GRM8: variants seen among roughly 807,000 people sequenced by gnomAD.
GRM8 encodes glutamate metabotropic receptor 8, also known as metabotropic glutamate receptor 8.
GRM8 carries 47 observed loss-of-function variants against 87.2 expected under a neutral mutation model. The observed-to-expected ratio is 0.54, with a 90% CI of 0.43 to 0.69. The LOEUF (loss-of-function observed/expected upper bound fraction) is 0.69, where lower values mean the gene tolerates loss of function less well. Ranked by LOEUF, GRM8 falls within the 30% of genes least tolerant of loss-of-function variation. The pLI is 0.00. For synonymous variants in GRM8, 396 were observed against 404.5 expected, an observed-to-expected ratio of 0.98 and a Z score of 0.25; for missense variants, 1,019 against 1,139.2, an observed-to-expected ratio of 0.89 and a Z score of 1.52.
intron 7 of GRM8, among the ~76,000 whole-genome samples, chr7:126,620,531 T>C (rs1800026201): frequency 6.6e-6 from 1 of 151,938 alleles, no homozygotes; most frequent in Non-Finnish European, 1.5e-5. Flanking sequence ...AAATGTTGGC[T>C]CTTTTGAATA....
chr7:126,588,324 T>A (rs529723758), intron 8 of GRM8, among the ~76,000 whole-genome samples: 13 of 152,294 alleles, frequency 8.5e-5, no homozygotes, highest in African/African-American at 2.9e-4. Context: ...GTGTTTTGAT[T>A]TGCCTTTCTC....
intron 9 of GRM8, among the ~76,000 whole-genome samples, chr7:126,457,212 AT>A (rs1803359469): frequency 6.6e-6 from 1 of 151,552 alleles, no homozygotes. Context: ...AGTAAAAAAA[AT>A]ATCCACGGTG....
chr7:127,143,831 C>T (rs1223825951), intron 2 of GRM8, among the ~76,000 whole-genome samples: 2 of 152,132 alleles, frequency 1.3e-5, no homozygotes, highest in Admixed American at 1.3e-4. Context: ...GTCATTAAAA[C>T]ACTATAAACC....
chr7:126,618,554 A>G (rs940796832), intron 7 of GRM8, among the ~76,000 whole-genome samples: 4 of 152,216 alleles, frequency 2.6e-5, no homozygotes, highest in South Asian at 2.1e-4. Flanking sequence ...AGGAGCTTCT[A>G]CACAGCGAAA....
chr7:127,034,032 C>T (rs1005949676), intron 3 of GRM8, among the ~76,000 whole-genome samples: 4 of 152,168 alleles, frequency 2.6e-5, no homozygotes, highest in African/African-American at 9.6e-5. Context: ...GGAATGCCTC[C>T]ATCCACTGTT....
At chr7:127,210,735 C>T (rs1246645521) in intron 2 of GRM8, among the ~76,000 whole-genome samples, 1 of 152,234 alleles carries the variant, frequency 6.6e-6, no homozygotes, top group Non-Finnish European at 1.5e-5. Context: ...AGCCCCAAGA[C>T]ACCAGGGGAA....
At chr7:126,556,780 A>G (rs1438931948) in intron 8 of GRM8, among the ~76,000 whole-genome samples, 1 of 152,246 alleles carries the variant, frequency 6.6e-6, no homozygotes, top group Admixed American at 6.5e-5. Flanking sequence ...AAAAGACTCC[A>G]AATGTATGTA....
At chr7:127,049,592 A>G (rs1436492144) in intron 3 of GRM8, among the ~76,000 whole-genome samples, 2 of 152,188 alleles carry the variant, frequency 1.3e-5, no homozygotes, top group Admixed American at 1.3e-4. Flanking sequence ...CTAAGAATAA[A>G]TGGGCAAGGA....
In GRM8 at chr7:126,903,980, G is replaced by A. The variant is rs1264096693; in HGVS notation, c.1010C>T (p.Ser337Leu). The change falls in exon 5 of 11, where the codon TCA becomes TTA. Residue 337 changes from serine to leucine, a missense_variant. Transcript: ENST00000339582. ...GAVTILPKRA[S>L]IDGFDRYFRS... ...CTATGGTGCATTCTTACCATCAATT[G>A]ATGCTCGTTTGGGCAAAATTGTCAC... 2 of 1,491,156 alleles carry A rather than the reference G, an allele frequency of 1.3e-6. No individual in the cohort carries two copies. The highest frequency in any genetic ancestry group is 3.4e-5 in the Admixed American group (2 of 58,760). The allele number at this position is 1,491,156 out of a possible 1,614,324, so 92.4% of individuals were successfully genotyped here.
At chr7:126,614,639 A>G (rs12535890) in intron 7 of GRM8, among the ~76,000 whole-genome samples, 83,286 of 151,946 alleles carry the variant, frequency 0.55, 23,077 homozygotes, top group South Asian at 0.65. Flanking sequence ...AAGATTAGAC[A>G]AATGGCTAAC....
At chr7:127,014,132 G>A (rs1815165604) in intron 3 of GRM8, among the ~76,000 whole-genome samples, 1 of 152,140 alleles carries the variant, frequency 6.6e-6, no homozygotes, top group South Asian at 2.1e-4. Flanking sequence ...TAATGACAAG[G>A]TCAAAGATGG....
chr7:126,475,767 C>T (rs1365862789), intron 9 of GRM8, among the ~76,000 whole-genome samples: 1 of 152,048 alleles, frequency 6.6e-6, no homozygotes, highest in East Asian at 1.9e-4. Flanking sequence ...TAAAAACAGA[C>T]TTATAGACCA....
chr7:126,587,858 A>G (rs1213298582), intron 8 of GRM8, among the ~76,000 whole-genome samples: 1 of 152,010 alleles, frequency 6.6e-6, no homozygotes, highest in African/African-American at 2.4e-5. Flanking sequence ...GAAGTATGAA[A>G]AATAATATCT....
chr7:126,882,597 A>T (rs1231696580), intron 6 of GRM8, among the ~76,000 whole-genome samples: 1 of 152,262 alleles, frequency 6.6e-6, no homozygotes, highest in Non-Finnish European at 1.5e-5. Context: ...ATGTTCACTG[A>T]CAAGGCATTA....
chr7:126,771,584 A>G (rs1248511298), intron 6 of GRM8, among the ~76,000 whole-genome samples: 1 of 152,152 alleles, frequency 6.6e-6, no homozygotes, highest in Non-Finnish European at 1.5e-5. Context: ...TGTTGACTAC[A>G]GAATCCAGAA....
chr7:126,738,420 T>C (rs1311235142), intron 7 of GRM8, among the ~76,000 whole-genome samples: 2 of 152,088 alleles, frequency 1.3e-5, no homozygotes, highest in East Asian at 1.9e-4. Flanking sequence ...ACCGGTGAAA[T>C]ACTGAAAGCA....
intron 3 of GRM8, among the ~76,000 whole-genome samples, chr7:126,921,183 G>A (rs973262648): frequency 3.9e-5 from 6 of 152,154 alleles, no homozygotes; most frequent in African/African-American, 9.7e-5. Flanking sequence ...CAAGAAGTGT[G>A]TCCATGCAAC....
intron 6 of GRM8, among the ~76,000 whole-genome samples, chr7:126,817,254 A>G (rs1414130011): frequency 6.6e-6 from 1 of 152,134 alleles, no homozygotes; most frequent in Non-Finnish European, 1.5e-5. Context: ...TGTCTCCATT[A>G]ATACCTACCT....
At chr7:126,548,482 C>T (rs1378755837) in intron 8 of GRM8, among the ~76,000 whole-genome samples, 2 of 151,924 alleles carry the variant, frequency 1.3e-5, no homozygotes, top group Admixed American at 6.6e-5. Flanking sequence ...CGGTTACTAG[C>T]TATAAGGACA....
Sources: allele counts gnomAD v4.1 joint callset (sites outside exome capture counted in the v4.1 genomes callset), GRCh38; gene constraint gnomAD v4.1.1; transcripts MANE v1.5; gene names NCBI Gene and HGNC (gene_info 2026-07-23, HGNC 2026-07-21).